The following IL1RAPL1 variants were observed in gnomAD, a reference collection of about 807,000 sequenced individuals.
The protein encoded by IL1RAPL1 is interleukin-1 receptor accessory protein-like 1.
In IL1RAPL1, 3 loss-of-function variants were observed where a neutral mutation model predicts 48.4. The observed-to-expected ratio is 0.06, with a 90% CI of 0.03 to 0.16. IL1RAPL1 has a LOEUF of 0.16. IL1RAPL1 is among the 10% of genes least tolerant of loss of function. The pLI is 1.00. For missense variants in IL1RAPL1, 349 were observed against 530.6 expected, an observed-to-expected ratio of 0.66 and a Z score of 3.36; for synonymous variants, 185 against 187.7, an observed-to-expected ratio of 0.99 and a Z score of 0.12.
At chrX:29,017,353 T>C (rs1226279303) in intron 2 of IL1RAPL1, among the ~76,000 whole-genome samples, 2 of 112,219 alleles carry the variant, frequency 1.8e-5, no homozygotes, top group Non-Finnish European at 3.8e-5. Context: ...AGTAAGCGTT[T>C]ATCTCTCAAA....
intron 2 of IL1RAPL1, among the ~76,000 whole-genome samples, chrX:29,160,133 G>A (rs1295566635): frequency 4.5e-5 from 5 of 111,887 alleles, no homozygotes; most frequent in Admixed American, 1.9e-4. Context: ...TGGTATATGT[G>A]AACTATGCAA....
intron 3 of IL1RAPL1, among the ~76,000 whole-genome samples, chrX:29,352,878 A>C (rs1454191901): frequency 8.9e-6 from 1 of 111,909 alleles, no homozygotes; most frequent in East Asian, 2.8e-4. Context: ...TAATAGAAAT[A>C]GAACTTCCCT....
chrX:29,411,912 TATTA>T (rs1373775224), intron 5 of IL1RAPL1, among the ~76,000 whole-genome samples: 1 of 111,513 alleles, frequency 9.0e-6, no homozygotes, highest in Non-Finnish European at 1.9e-5. Flanking sequence ...AATTCTCTTA[TATTA>T]ATTCTAACAA....
rs1569171997 is a variant in IL1RAPL1, at chrX:29,801,018, A to AC, written c.779-116446_779-116445insC. ...TCCGTCTCAAAAAAAAAAAAAAAAA[A>AC]AAAAAAAAAAAAAAAACTCTCCGTC... On this transcript the variant is annotated intron_variant, in intron 6 of 10. Transcript: ENST00000378993. Among the ~76,000 whole-genome samples, 19 of 45,835 alleles carry AC rather than the reference A, an allele frequency of 4.1e-4. 1 individual carries two copies. The highest frequency in any genetic ancestry group is 7.9e-4 in the Non-Finnish European group (18 of 22,842). 39.8% of individuals were successfully genotyped at this position (45,835 alleles called of 115,157 possible).
At chrX:29,622,494 T>C (rs748707173) in intron 5 of IL1RAPL1, among the ~76,000 whole-genome samples, 1 of 111,959 alleles carries the variant, frequency 8.9e-6, no homozygotes, top group South Asian at 3.7e-4. Context: ...CATAATCTCT[T>C]ACTTCAACCA....
chrX:29,650,283 G>C (rs1433867787), intron 5 of IL1RAPL1, among the ~76,000 whole-genome samples: 1 of 111,508 alleles, frequency 9.0e-6, no homozygotes, highest in African/African-American at 3.2e-5. Flanking sequence ...GAATCCAATA[G>C]GTTTTATAAA....
At chrX:29,736,006 T>C (rs1005558509) in intron 6 of IL1RAPL1, among the ~76,000 whole-genome samples, 1 of 112,056 alleles carries the variant, frequency 8.9e-6, no homozygotes, top group African/African-American at 3.2e-5. Flanking sequence ...TTGGTATGTA[T>C]GTGGCAACTG....
intron 5 of IL1RAPL1, among the ~76,000 whole-genome samples, chrX:29,546,009 G>A (rs1243625826): frequency 9.0e-6 from 1 of 111,440 alleles, no homozygotes; most frequent in East Asian, 2.8e-4. Flanking sequence ...GGCAATGTCT[G>A]GAGACACTTT....
chrX:28,729,141 G>A (rs1025521689), intron 1 of IL1RAPL1, among the ~76,000 whole-genome samples: 3 of 111,489 alleles, frequency 2.7e-5, no homozygotes, highest in African/African-American at 9.8e-5. Flanking sequence ...TTATTTTGCA[G>A]TTAGCAAATA....
intron 8 of IL1RAPL1, among the ~76,000 whole-genome samples, chrX:29,934,965 T>C (rs1179683223): frequency 8.9e-6 from 1 of 111,847 alleles, no homozygotes; most frequent in Non-Finnish European, 1.9e-5. Flanking sequence ...CTCTTTAGTC[T>C]CCTTTAATCT....
chrX:28,670,758 C>T (rs196983), intron 1 of IL1RAPL1, among the ~76,000 whole-genome samples: 35,538 of 110,926 alleles, frequency 0.32, 4,307 homozygotes, highest in Middle Eastern at 0.44. Flanking sequence ...GAGATAAATT[C>T]GAATTATTCT....
intron 5 of IL1RAPL1, among the ~76,000 whole-genome samples, chrX:29,436,646 A>G (rs1271354127): frequency 9.1e-6 from 1 of 109,880 alleles, no homozygotes; most frequent in Non-Finnish European, 1.9e-5. Context: ...CTTGAGAAAG[A>G]GAGTCAATCT....
At chrX:29,403,344 G>T (rs895978396) in intron 5 of IL1RAPL1, among the ~76,000 whole-genome samples, 1 of 107,228 alleles carries the variant, frequency 9.3e-6, no homozygotes, top group African/African-American at 3.4e-5. Context: ...CTTATATTGG[G>T]GTGTGTGTGT....
intron 5 of IL1RAPL1, among the ~76,000 whole-genome samples, chrX:29,653,736 A>T (rs1925586527): frequency 9.1e-6 from 1 of 110,241 alleles, no homozygotes; most frequent in Non-Finnish European, 1.9e-5. Context: ...CTGGTGGGAG[A>T]TTATTATTTG....
chrX:29,127,511 G>A, intron 2 of IL1RAPL1, among the ~76,000 whole-genome samples: 1 of 111,808 alleles, frequency 8.9e-6, no homozygotes, highest in East Asian at 2.8e-4. Context: ...ACTGCTCTTT[G>A]CGTCTTTGCA....
chrX:28,915,938 T>C (rs1043281035), intron 2 of IL1RAPL1, among the ~76,000 whole-genome samples: 4 of 107,723 alleles, frequency 3.7e-5, no homozygotes, highest in African/African-American at 1.4e-4. Context: ...TCTATATATG[T>C]ATGTGTATAT....
chrX:29,395,426 A>G lies in IL1RAPL1; in HGVS notation c.363-832A>G, dbSNP rs182739654. 2.4e-3 allele frequency among the ~76,000 whole-genome samples: 273 copies of G among 112,072 alleles called. 1 individual carries two copies. The highest frequency in any genetic ancestry group is 4.7e-3 in the Middle Eastern group (1 of 215). On this transcript the variant is annotated intron_variant, in intron 3 of 10. Transcript: ENST00000378993. The stretch of plus-strand genomic sequence containing the variant: ...TGAGACTTAAAAAGCAAGTAGAAGT[A>G]GTGCAATTTACCCAAAAAACTTCAT...
At chrX:29,317,692 C>T (rs1234557002) in intron 3 of IL1RAPL1, among the ~76,000 whole-genome samples, 1 of 112,181 alleles carries the variant, frequency 8.9e-6, no homozygotes, top group African/African-American at 3.2e-5. Flanking sequence ...ACATGAAATA[C>T]AATATGTCTT....
At chrX:28,743,990 C>T (rs1001627014) in intron 1 of IL1RAPL1, among the ~76,000 whole-genome samples, 2 of 110,921 alleles carry the variant, frequency 1.8e-5, no homozygotes, top group Non-Finnish European at 3.8e-5. Context: ...CTACTTTCAA[C>T]TCAAACTGCT....
Sources: allele counts gnomAD v4.1 joint callset (sites outside exome capture counted in the v4.1 genomes callset), GRCh38; gene constraint gnomAD v4.1.1; transcripts MANE v1.5; gene names NCBI Gene and HGNC (gene_info 2026-07-23, HGNC 2026-07-21).